RIPK4: variants seen among roughly 807,000 people sequenced by gnomAD.
RIPK4 encodes the protein receptor-interacting serine/threonine-protein kinase 4.
Under a neutral mutation model 42.9 loss-of-function variants are expected in RIPK4, and 17 were observed. That is an observed-to-expected ratio of 0.40 (90% CI 0.27 to 0.59). The LOEUF (loss-of-function observed/expected upper bound fraction) is 0.59, where lower values mean the gene tolerates loss of function less well. RIPK4 is among the 20% of genes least tolerant of loss of function. The pLI, the probability that RIPK4 is intolerant of heterozygous loss-of-function variation, is 0.47. For synonymous variants in RIPK4, 498 were observed against 499.1 expected, an observed-to-expected ratio of 1.00 and a Z score of 0.03; for missense variants, 897 against 1,104.4, an observed-to-expected ratio of 0.81 and a Z score of 2.66.
In RIPK4 at chr21:41,751,143, T is replaced by C. The variant is rs751849600; in HGVS notation, c.577A>G (p.Ile193Val). The C allele has an allele frequency of 2.5e-6, 4 of 1,614,162 alleles. No homozygotes were observed. The highest frequency in any genetic ancestry group is 1.1e-5 in the South Asian group (1 of 91,084). Residue 193 changes from isoleucine to valine, a missense_variant, in exon 3 of 8, where the codon ATC becomes GTC. Ile to Val is a conservative substitution (Grantham distance 29). Transcript: ENST00000332512. The surrounding 1 kb of genome is among the most constrained non-coding windows in gnomAD (Gnocchi z 4.5). ...GTIAYLPPERIREKSRLFDTK... is the reference protein window; with the variant it reads ...GTIAYLPPERVREKSRLFDTK... ...TCGAAGAGCCGGCTCTTCTCCCTGATGCGCTCTGGAGGGAGGTAGGCGATT... is the reference window on the plus strand; with the variant it reads ...TCGAAGAGCCGGCTCTTCTCCCTGACGCGCTCTGGAGGGAGGTAGGCGATT...
At chr21:41,745,706 C>A (rs975935579) in intron 6 of RIPK4, 53 bp downstream of exon 6, 4 of 1,410,936 alleles carry the variant, frequency 2.8e-6, no homozygotes, top group Non-Finnish European at 4.0e-6. Flanking sequence ...GGTTTGGAAA[C>A]TCCTGCCTGG....
intron 1 of RIPK4, among the ~76,000 whole-genome samples, chr21:41,766,348 C>T (rs907862074): frequency 1.3e-5 from 2 of 152,236 alleles, no homozygotes; most frequent in African/African-American, 4.8e-5. Context: ...ACGTAAATTA[C>T]TAAGTAAGTC....
rs1216659472 is a variant in RIPK4 at position 41,741,744 on chromosome 21, C to G, written c.1449G>C (p.Val483=). 2 of 1,612,406 alleles carry G rather than the reference C, an allele frequency of 1.2e-6. No individual in the cohort carries two copies. Among genetic ancestry groups the G allele is most frequent in the Non-Finnish European group, 1.7e-6 (2 of 1,180,014 alleles). ...TPLHMAVERR[V]RGVVELLLAR... is the part of the protein sequence containing the mutation. ...CCAGCAGGAGCTCCACGACACCCCG[C>G]ACCCTCCTCTCCACGGCCATGTGCA... The change falls in exon 8 of 8, where the codon GTG becomes GTC. Residue 483 remains valine, a synonymous_variant. Transcript: ENST00000332512.
Position 41,742,166 on chromosome 21 carries a change from G to A in RIPK4, c.1196-169C>T. Among the ~76,000 whole-genome samples, 1 of 152,194 alleles carries A rather than the reference G, an allele frequency of 6.6e-6. No individual in the cohort carries two copies. The highest frequency in any genetic ancestry group is 1.5e-5 in the Non-Finnish European group (1 of 68,026). On this transcript the variant is annotated intron_variant, in intron 7 of 7. Coordinates refer to ENST00000332512, the MANE Select transcript of RIPK4 (RefSeq NM_020639.3). The surrounding 1 kb of genome is among the most constrained non-coding windows in gnomAD (Gnocchi z 5.1). ...TGTCTGTGCCTCGTGATTAAGGTCA[G>A]TCCTAGCGGGAGCCCCGGGGCAGGC... is the stretch of plus-strand genomic sequence containing the variant.
rs569862780 is a variant in RIPK4, at chr21:41,766,994, G to A, written c.48C>T (p.Thr16=). ...AGCCCGTGAACTCGCCCGCGTCGAA[G>A]GTGCGCAGCAGCGCCAGGGCCCATG... ...GTPWALALLR[T]FDAGEFTGWE... The change falls in exon 1 of 8, where the codon ACC becomes ACT. Residue 16 remains threonine (T), a synonymous_variant. Transcript: ENST00000332512. 1 of 1,602,758 alleles carries A rather than the reference G, an allele frequency of 6.2e-7. No homozygotes were observed. The highest frequency in any genetic ancestry group is 1.1e-5 in the South Asian group (1 of 90,192).
In RIPK4 at chr21:41,741,075, C is replaced by T. The variant is rs181856438; in HGVS notation, c.2118G>A (p.Ala706=). ...GCCCGTGGGCGGCAGCCAGGTGCAG[C>T]GCCGTCTGGTTCAGGGGTCCCCGGG... ...VLARGPLNQT[A]LHLAAAHGHS... is the part of the protein sequence containing the mutation. Residue 706 remains alanine, a synonymous_variant, in exon 8 of 8, where the codon GCG becomes GCA. Coordinates refer to ENST00000332512, the MANE Select transcript of RIPK4 (RefSeq NM_020639.3). 19 of 1,611,308 alleles carry T rather than the reference C, an allele frequency of 1.2e-5. No individual in the cohort carries two copies. Among genetic ancestry groups the T allele is most frequent in the Admixed American group, 5.0e-5 (3 of 59,980 alleles).
chr21:41,747,558 G>C (rs2061175603), intron 4 of RIPK4, among the ~76,000 whole-genome samples: 2 of 152,172 alleles, frequency 1.3e-5, no homozygotes, highest in Admixed American at 6.5e-5. Flanking sequence ...GCTCTTTGGA[G>C]AGGCCATGTG....
chr21:41,740,617 C>G lies in RIPK4; in HGVS notation c.*221G>C, dbSNP rs1190796350. The G allele has an allele frequency of 2.5e-5, 14 of 565,260 alleles. No individual in the cohort carries two copies. Among genetic ancestry groups the G allele is most frequent in the Non-Finnish European group, 4.4e-5 (14 of 321,024 alleles). The allele number at this position is 565,260 out of a possible 1,614,324, so 35.0% of individuals were successfully genotyped here. A position where few individuals can be genotyped will look rare whatever the true frequency, so the allele number is the denominator to read the frequency against. ...CACGGTCCCTTCAGACAGCAGGTGCCTAGATCGATGATGGAGCGGGCATGT... is the reference window on the plus strand; with the variant it reads ...CACGGTCCCTTCAGACAGCAGGTGCGTAGATCGATGATGGAGCGGGCATGT... On this transcript the variant is annotated 3_prime_UTR_variant, in exon 8 of 8. Transcript: ENST00000332512.
At chr21:41,752,088 C>A (rs1423699808) in intron 2 of RIPK4, among the ~76,000 whole-genome samples, 2 of 152,176 alleles carry the variant, frequency 1.3e-5, no homozygotes, top group African/African-American at 4.8e-5. Flanking sequence ...CAGTGTCCTA[C>A]CCTCTCCAGT....
chr21:41,745,202 C>T (rs1455836334), intron 6 of RIPK4, among the ~76,000 whole-genome samples: 1 of 152,176 alleles, frequency 6.6e-6, no homozygotes, highest in Admixed American at 6.5e-5. Flanking sequence ...TGAGCTCACA[C>T]CAACAGCCTG....
intron 1 of RIPK4, among the ~76,000 whole-genome samples, chr21:41,764,319 C>G (rs1419093821): frequency 6.6e-6 from 1 of 152,198 alleles, no homozygotes; most frequent in African/African-American, 2.4e-5. Context: ...CCTTGAGAGG[C>G]AAGCAGCGTT....
intron 4 of RIPK4, among the ~76,000 whole-genome samples, chr21:41,747,431 G>A (rs1383902617): frequency 2.0e-5 from 3 of 152,222 alleles, no homozygotes; most frequent in Non-Finnish European, 2.9e-5. Context: ...GAAGGGCCCA[G>A]GGTGACATCC....
intron 1 of RIPK4, among the ~76,000 whole-genome samples, chr21:41,760,631 T>C (rs2061217733): frequency 6.6e-6 from 1 of 152,096 alleles, no homozygotes. Flanking sequence ...GTTGGAAGAA[T>C]CTGCAGGATG....
At position 41,746,731 on chromosome 21, in the gene RIPK4, C is replaced by T. The variant is rs1256564277; in HGVS notation, c.714G>A (p.Lys238=). ...CGGGCGGCAGCTCGGGGCGGTGGCC[C>T]TTCACCACCTTCACCATGATGTGCA... ...NILHIMVKVV[K]GHRPELPPVC... Residue 238 remains lysine (K), a synonymous_variant, in exon 5 of 8, where the codon AAG becomes AAA. Transcript: ENST00000332512. 1 of 1,606,166 alleles carries T rather than the reference C, an allele frequency of 6.2e-7. No individual in the cohort carries two copies. The highest frequency in any genetic ancestry group is 1.3e-5 in the African/African-American group (1 of 74,814).
chr21:41,741,178 G>A lies in RIPK4; in HGVS notation c.2015C>T (p.Thr672Ile). Residue 672 changes from threonine to isoleucine, a missense_variant, in exon 8 of 8, where the codon ACC becomes ATC. Thr to Ile is a moderately conservative substitution (Grantham distance 89, BLOSUM62 -1). Coordinates refer to ENST00000332512, the MANE Select transcript of RIPK4 (RefSeq NM_020639.3). ...GTTGCGGGCAGCCAGGTGCAGAGCG[G>A]TGTAGCCGTCTGAGGTCATGGCCTC... is the stretch of plus-strand genomic sequence containing the variant. ...GKEAMTSDGY[T>I]ALHLAARNGH... 6.2e-7 allele frequency: 1 copy of A among 1,612,188 alleles called. No individual in the cohort carries two copies.
At chr21:41,761,108 G>T (rs1392279865) in intron 1 of RIPK4, among the ~76,000 whole-genome samples, 1 of 152,214 alleles carries the variant, frequency 6.6e-6, no homozygotes, top group African/African-American at 2.4e-5. Flanking sequence ...GGGATGGGGG[G>T]TGCAGATCAG....
At chr21:41,763,430 C>T (rs530639843) in intron 1 of RIPK4, among the ~76,000 whole-genome samples, 5 of 152,074 alleles carry the variant, frequency 3.3e-5, no homozygotes, top group Admixed American at 6.6e-5. Context: ...CCTGCAAGCA[C>T]GCATCCTGGA....
rs1413464502 is a variant in RIPK4 at position 41,763,232 on chromosome 21, G to A, written c.182+3628C>T. ...CGGTGAGTAGCACTTAGATGAATTC[G>A]GTTTTCTCCTCATTTAGGGCTAGCC... On this transcript the variant is annotated intron_variant, in intron 1 of 7. Coordinates refer to ENST00000332512, the MANE Select transcript of RIPK4 (RefSeq NM_020639.3). Among the ~76,000 whole-genome samples, 3 of 152,258 alleles carry A rather than the reference G, an allele frequency of 2.0e-5. No individual in the cohort carries two copies. In the East Asian group the frequency reaches 5.8e-4, roughly 29 times the overall value.
At chr21:41,759,964 G>A (rs902294061) in intron 1 of RIPK4, among the ~76,000 whole-genome samples, 6 of 152,174 alleles carry the variant, frequency 3.9e-5, no homozygotes, top group Non-Finnish European at 7.4e-5. Flanking sequence ...AGGGCTCTGC[G>A]TCTCAGGACA....
Sources: gnomAD v4.1 joint callset for allele counts (sites outside exome capture counted in the v4.1 genomes callset) on GRCh38, gnomAD v4.1.1 for gene constraint, Gnocchi (gnomAD v3.1) non-coding constraint, MANE v1.5 for transcripts, NCBI Gene and HGNC (gene_info 2026-07-23, HGNC 2026-07-21) for gene names.